Variants in ZXDC observed in about 807,000 individuals in gnomAD.
ZXDC encodes the protein ZXD family zinc finger C.
A neutral mutation model predicts 63.6 loss-of-function variants in ZXDC; 58 were observed. The ratio of observed to expected loss-of-function variants is 0.91; its 90% CI spans 0.74 to 1.13. ZXDC has a LOEUF of 1.13. Ranked by LOEUF, ZXDC falls within the 50% of genes most tolerant of loss-of-function variation. The probability of loss-of-function intolerance (pLI) is 0.00; values close to 1 mark genes in which losing one functional copy is unlikely to be tolerated. For missense variants in ZXDC, 1,133 were observed against 1,148.9 expected (o/e 0.99, Z 0.20); for synonymous variants, 561 against 496.1 (o/e 1.13, Z -1.74).
rs745520344 is a variant in ZXDC at position 126,461,909 on chromosome 3, C to T, written c.1753G>A (p.Gly585Arg). The change falls in exon 6 of 10, where the codon GGG (glycine) becomes AGG (arginine). Residue 585 changes from glycine to arginine, a missense_variant. Gly to Arg is a moderately radical substitution (Grantham distance 125). Transcript: ENST00000389709. Reference sequence around the variant, plus strand: ...TGCTGCAGAACCGTGGCTGCTGTCCCGAGAACCAGAGGGCTGTCCAGGCTT... The same window carrying T: ...TGCTGCAGAACCGTGGCTGCTGTCCTGAGAACCAGAGGGCTGTCCAGGCTT... Reference protein sequence around the residue: ...PPSLDSPLVLGTAATVLQQGS... With the variant: ...PPSLDSPLVLRTAATVLQQGS... 2 of 1,614,064 alleles carry T rather than the reference C, an allele frequency of 1.2e-6. No homozygotes were observed. The highest frequency in any genetic ancestry group is 2.2e-5 in the East Asian group (1 of 44,898).
intron 5 of ZXDC, among the ~76,000 whole-genome samples, chr3:126,462,998 G>C (rs537468221): frequency 6.6e-6 from 1 of 152,098 alleles, no homozygotes; most frequent in Non-Finnish European, 1.5e-5. Flanking sequence ...TGAGGGTGGA[G>C]AGCCATCTGA....
Position 126,475,587 on chromosome 3 carries a change from T to A in ZXDC, c.279A>T (p.Ser93=), listed in dbSNP as rs568779753. The A allele has an allele frequency of 1.8e-5, 27 of 1,460,290 alleles. No homozygotes were observed. Among genetic ancestry groups the A allele is most frequent in the Non-Finnish European group, 2.3e-5 (25 of 1,103,030 alleles). The allele number at this position is 1,460,290 out of a possible 1,614,324, so 90.5% of individuals were successfully genotyped here. ...CACGGGAGCCAGGCTCGGCCTCCTG[T>A]GATCCGGCAGCCTCGGCGGCAGCGC... ...HGGAAAEAAG[S]QEAEPGSRVN... The change falls in exon 1 of 10, where the codon TCA becomes TCT. Residue 93 remains serine, a synonymous_variant. Coordinates refer to ENST00000389709, the MANE Select transcript of ZXDC (RefSeq NM_025112.5).
At chr3:126,474,908 A>C (rs1156247340) in intron 1 of ZXDC, 51 bp downstream of exon 1, 1 of 1,516,006 alleles carries the variant, frequency 6.6e-7, no homozygotes, top group South Asian at 1.3e-5. Context: ...GTGGCACCCC[A>C]GACCTGCCTG....
At chr3:126,473,710 T>A (rs1935066906) in intron 1 of ZXDC, among the ~76,000 whole-genome samples, 1 of 152,178 alleles carries the variant, frequency 6.6e-6, no homozygotes, top group Non-Finnish European at 1.5e-5. Flanking sequence ...ATAAAACCCG[T>A]TCATAATTCT....
chr3:126,469,382 T>C (rs1338845258), intron 4 of ZXDC, among the ~76,000 whole-genome samples: 1 of 152,160 alleles, frequency 6.6e-6, no homozygotes, highest in Non-Finnish European at 1.5e-5. Context: ...AAACACAACA[T>C]GTCCAAACCA....
Position 126,475,684 on chromosome 3 carries a change from G to T in ZXDC, c.182C>A (p.Pro61Gln). 7.4e-7 allele frequency: 1 copy of T among 1,349,154 alleles called. No individual in the cohort carries two copies. Among genetic ancestry groups the T allele is most frequent in the Non-Finnish European group, 9.5e-7 (1 of 1,049,286 alleles). 83.6% of individuals were successfully genotyped at this position (1,349,154 alleles called of 1,614,324 possible). The stretch of plus-strand genomic sequence containing the variant: ...GTCGTCCTCGGCGGGCGGCGGGCTT[G>T]GCCCGGAGGCCTCCCCGGGCCGCGC... ...PGARPGEASGPSPPPAEDDSD... is the reference protein window; with the variant it reads ...PGARPGEASGQSPPPAEDDSD... The change falls in exon 1 of 10, where the codon CCA (proline) becomes CAA (glutamine). Residue 61 changes from proline to glutamine, a missense_variant. Transcript: ENST00000389709.
chr3:126,475,701 G>A lies in ZXDC; in HGVS notation c.165C>T (p.Pro55=). ...GCGGGCTTGGCCCGGAGGCCTCCCC[G>A]GGCCGCGCCCCGGGCCCGCCATCTT... ...GPEDGGPGAR[P]GEASGPSPPP... is the part of the protein sequence containing the mutation. Residue 55 remains proline (P), a synonymous_variant, in exon 1 of 10, where the codon CCC becomes CCT. Coordinates refer to ENST00000389709, the MANE Select transcript of ZXDC (RefSeq NM_025112.5). 1.5e-6 allele frequency: 2 copies of A among 1,296,218 alleles called. No individual in the cohort carries two copies. Among genetic ancestry groups the A allele is most frequent in the Non-Finnish European group, 2.0e-6 (2 of 1,023,948 alleles). The allele number at this position is 1,296,218 out of a possible 1,614,324, so 80.3% of individuals were successfully genotyped here.
Position 126,461,744 on chromosome 3 carries a change from G to T in ZXDC, c.1918C>A (p.Pro640Thr). The T allele has an allele frequency of 6.2e-7, 1 of 1,613,960 alleles. No individual in the cohort carries two copies. Among genetic ancestry groups the T allele is most frequent in the Non-Finnish European group, 8.5e-7 (1 of 1,179,986 alleles). ...NSNLAAHITT[P>T]TSSSTPRENA... ...TCTCGGGGGGTGCTCGAAGAGGTCGGTGTGGTGATATGTGCTGCTAAGTTA... is the reference window on the plus strand; with the variant it reads ...TCTCGGGGGGTGCTCGAAGAGGTCGTTGTGGTGATATGTGCTGCTAAGTTA... The change falls in exon 6 of 10, where the codon CCG becomes ACG. Residue 640 changes from proline to threonine, a missense_variant. By Grantham distance (38) the Pro-to-Thr change is conservative. Coordinates refer to ENST00000389709, the MANE Select transcript of ZXDC (RefSeq NM_025112.5).
chr3:126,442,002 G>A (rs1933700897), intron 7 of ZXDC, 56 bp from the exon 8 acceptor site: 3 of 1,492,440 alleles, frequency 2.0e-6, no homozygotes, highest in Admixed American at 2.2e-5. Flanking sequence ...AGTCAGGTCT[G>A]CCCTTACCAA....
At chr3:126,472,991 C>T (rs1199300852) in intron 1 of ZXDC, among the ~76,000 whole-genome samples, 3 of 152,190 alleles carry the variant, frequency 2.0e-5, no homozygotes, top group Non-Finnish European at 2.9e-5. Flanking sequence ...GGATGTTTAA[C>T]AGGAGTCTTT....
chr3:126,441,768 C>T lies in ZXDC; in HGVS notation c.2391G>A (p.Val797=), dbSNP rs200492918. 3.0e-4 allele frequency: 477 copies of T among 1,592,634 alleles called. 2 individuals carry two copies. The Middle Eastern group carries it at 3.3e-3, about 11-fold the overall frequency. ...CGAQGVQVQL[V]QDDPSGEGVL... ...TGTGTGACTGGCCAGCTCTCACCTG[C>T]ACCAGCTGGACCTGGACGCCCTGCG... The change falls in exon 8 of 10, where the codon GTG becomes GTA. Residue 797 remains valine, a synonymous_variant. Transcript: ENST00000389709.
chr3:126,473,701 T>A (rs1215051599), intron 1 of ZXDC, among the ~76,000 whole-genome samples: 1 of 152,194 alleles, frequency 6.6e-6, no homozygotes, highest in Non-Finnish European at 1.5e-5. Flanking sequence ...GAAAAAATAA[T>A]AAAACCCGTT....
Position 126,440,495 on chromosome 3 carries a change from A to G in ZXDC, c.2395-768T>C, listed in dbSNP as rs143646181. ...CCCAGGTTTAATCAGGCATCTCTTA[A>G]AAGTATACCCCCTACTTGCTCCTGT... On this transcript the variant is annotated intron_variant, in intron 8 of 9. Transcript: ENST00000389709. The G allele has an allele frequency of 5.3e-4, 524 of 985,646 alleles. 2 individuals are homozygous for G. In the African/African-American group the frequency reaches 8.5e-3, roughly 16 times the overall value. The allele number at this position is 985,646 out of a possible 1,614,324, so 61.1% of individuals were successfully genotyped here.
chr3:126,458,469 C>T, intron 7 of ZXDC: 1 of 438,520 alleles, frequency 2.3e-6, no homozygotes, highest in Non-Finnish European at 3.0e-6. Flanking sequence ...AACTCCTGAC[C>T]TCAGGTGATC....
At chr3:126,458,819 G>A (rs1266189511) in intron 7 of ZXDC, 1 of 985,272 alleles carries the variant, frequency 1.0e-6, no homozygotes, top group Non-Finnish European at 1.2e-6. Flanking sequence ...GGTACTTTGT[G>A]AACTGTTGAG....
At chr3:126,444,480 C>T (rs1416995697) in intron 7 of ZXDC, among the ~76,000 whole-genome samples, 3 of 151,258 alleles carry the variant, frequency 2.0e-5, no homozygotes, top group Admixed American at 1.3e-4. Flanking sequence ...TGCAGTGAGC[C>T]GAGATCATGC....
intron 8 of ZXDC, chr3:126,440,213 T>A (rs1933623972): frequency 1.0e-6 from 1 of 997,986 alleles, no homozygotes; most frequent in Non-Finnish European, 1.2e-6. Context: ...GCCAGGCCCC[T>A]CACAGTCCAG....
At chr3:126,444,938 C>A (rs895275135) in intron 7 of ZXDC, among the ~76,000 whole-genome samples, 15 of 152,150 alleles carry the variant, frequency 9.9e-5, no homozygotes, top group African/African-American at 3.6e-4. Context: ...TCTTTATTAA[C>A]AATTTACTTG....
intron 7 of ZXDC, chr3:126,459,174 G>A (rs1560097876): frequency 1.0e-6 from 1 of 985,428 alleles, no homozygotes. Flanking sequence ...CTTTAAAAAT[G>A]CAAGTAAGTT....
Sources: gnomAD v4.1 joint callset for allele counts (sites outside exome capture counted in the v4.1 genomes callset) on GRCh38, gnomAD v4.1.1 for gene constraint, MANE v1.5 for transcripts, NCBI Gene and HGNC (gene_info 2026-07-23, HGNC 2026-07-21) for gene names.